Variants in COPB1 observed in about 807,000 individuals in gnomAD.
COPB1 encodes coatomer subunit beta.
COPB1 carries 21 observed loss-of-function variants against 108.7 expected under a neutral mutation model. The ratio of observed to expected loss-of-function variants is 0.19; its 90% CI spans 0.14 to 0.28. The LOEUF (loss-of-function observed/expected upper bound fraction) is 0.28, where lower values mean the gene tolerates loss of function less well. Ranked by LOEUF, COPB1 falls within the 10% of genes least tolerant of loss-of-function variation. The pLI is 1.00. For synonymous variants in COPB1, 378 were observed against 386.8 expected, an observed-to-expected ratio of 0.98 and a Z score of 0.27; for missense variants, 919 against 1,141.3, an observed-to-expected ratio of 0.81 and a Z score of 2.81.
At chr11:14,479,052 A>AAT (rs1334921257) in intron 11 of COPB1, 2 of 151,080 alleles carry the variant, frequency 1.3e-5, no homozygotes, top group Non-Finnish European at 2.9e-5. Context: ...CATAAATATT[A>AAT]ATATATTTTC....
At chr11:14,468,637 G>A (rs752103300) in intron 16 of COPB1, 44 bp downstream of exon 16, 27 of 1,566,602 alleles carry the variant, frequency 1.7e-5, no homozygotes, top group African/African-American at 4.1e-5. Context: ...ACTTCCTTAA[G>A]GAGTCGATTT....
intron 12 of COPB1, among the ~76,000 whole-genome samples, 157 bp downstream of exon 12, chr11:14,476,760 TTC>T (rs869181188): frequency 5.2e-4 from 57 of 109,730 alleles, no homozygotes; most frequent in African/African-American, 1.9e-3. Flanking sequence ...AAGCTACTGC[TTC>T]TTTTTTTTTT....
intron 16 of COPB1, among the ~76,000 whole-genome samples, chr11:14,467,789 A>G (rs997377711): frequency 1.3e-5 from 2 of 152,230 alleles, no homozygotes; most frequent in Non-Finnish European, 2.9e-5. Context: ...TGCCAGTCAC[A>G]AAAGGAAAAA....
chr11:14,469,279 G>T, intron 15 of COPB1, 57 bp downstream of exon 15: 2 of 1,403,962 alleles, frequency 1.4e-6, no homozygotes, highest in Admixed American at 1.7e-5. Flanking sequence ...TTACAGGCGT[G>T]AGCCACTGCA....
At position 14,469,447 on chromosome 11, in the gene COPB1, C is replaced by T. The variant is rs765975347; in HGVS notation, c.1854G>A (p.Lys618=). The T allele has an allele frequency of 1.2e-6, 2 of 1,614,114 alleles. No homozygotes were observed. Among genetic ancestry groups the T allele is most frequent in the Non-Finnish European group, 1.7e-6 (2 of 1,180,022 alleles). ...TTAAAGGTGAACATTCAGACAAGAC[C>T]TTGAGGCACAGGGAAATTCGATCCA... ...DDVDRISLCL[K]VLSECSPLMN... The change falls in exon 15 of 22, where the codon AAG becomes AAA. Residue 618 remains lysine (K), a synonymous_variant. Transcript: ENST00000439561.
chr11:14,468,272 T>C (rs1850326524), intron 16 of COPB1, among the ~76,000 whole-genome samples: 1 of 152,156 alleles, frequency 6.6e-6, no homozygotes, highest in Non-Finnish European at 1.5e-5. Flanking sequence ...CTAATAAAAT[T>C]CTATATGGAA....
chr11:14,489,937 G>A (rs1054155420), intron 5 of COPB1, among the ~76,000 whole-genome samples: 2 of 152,000 alleles, frequency 1.3e-5, no homozygotes, highest in African/African-American at 4.8e-5. Flanking sequence ...AAGATCTGGG[G>A]GAAAAAAGTC....
intron 17 of COPB1, among the ~76,000 whole-genome samples, chr11:14,465,809 C>A (rs1850268841): frequency 6.6e-6 from 1 of 151,656 alleles, no homozygotes; most frequent in Non-Finnish European, 1.5e-5. Flanking sequence ...ACTTCAAAAC[C>A]AGATGTGGAA....
chr11:14,491,013 A>G (rs571484036), intron 4 of COPB1, among the ~76,000 whole-genome samples: 109 of 150,814 alleles, frequency 7.2e-4, no homozygotes, highest in Non-Finnish European at 1.2e-3. Flanking sequence ...CTGGTCTTGA[A>G]CTCCTGACCT....
intron 2 of COPB1, among the ~76,000 whole-genome samples, chr11:14,496,338 A>C (rs888449436): frequency 6.6e-6 from 1 of 152,158 alleles, no homozygotes; most frequent in African/African-American, 2.4e-5. Context: ...AAATATGATA[A>C]ATTTAGTAAA....
intron 14 of COPB1, 40 bp from the exon 15 acceptor site, chr11:14,469,603 T>C (rs759944780): frequency 6.6e-7 from 1 of 1,509,356 alleles, no homozygotes; most frequent in Non-Finnish European, 9.2e-7. Flanking sequence ...ATTGTCTTGA[T>C]TCTCAGATTG....
At chr11:14,459,972 T>TAAA in intron 20 of COPB1, 1 of 343,586 alleles carries the variant, frequency 2.9e-6, no homozygotes, top group East Asian at 4.9e-5. Context: ...GAAAAGAAAA[T>TAAA]AAAAAAAAAA....
At chr11:14,481,658 T>C (rs1589962697) in intron 8 of COPB1, among the ~76,000 whole-genome samples, 1 of 152,246 alleles carries the variant, frequency 6.6e-6, no homozygotes, top group African/African-American at 2.4e-5. Flanking sequence ...GTGATATTAT[T>C]TGACTCCATA....
Position 14,460,281 on chromosome 11 carries a change from T to C in COPB1, c.2573A>G (p.Asn858Ser), listed in dbSNP as rs1362693575. The C allele has an allele frequency of 4.3e-6, 7 of 1,609,998 alleles. No individual in the cohort carries two copies. The highest frequency in any genetic ancestry group is 5.9e-6 in the Non-Finnish European group (7 of 1,177,534). Residue 858 changes from asparagine to serine, a missense_variant, in exon 20 of 22, where the codon AAC (asparagine) becomes AGC (serine). Coordinates refer to ENST00000439561, the MANE Select transcript of COPB1 (RefSeq NM_001144061.2). Reference sequence around the variant, plus strand: ...TAAGTAGTCATTTAAATCAACCATGTTGGTGTTAACTGTCACCTGTAGAGA... The same window carrying C: ...TAAGTAGTCATTTAAATCAACCATGCTGGTGTTAACTGTCACCTGTAGAGA... ...EWENKVTVNT[N>S]MVDLNDYLQH...
Position 14,493,822 on chromosome 11 carries a change from A to T in COPB1, c.322-11T>A. The stretch of plus-strand genomic sequence containing the variant: ...AGGATGTTGAAGATCCTGATATAAA[A>T]ATTAAAATATGAAATGCTGAGTTTC... On this transcript the variant is annotated splice_polypyrimidine_tract_variant and intron_variant, in intron 3 of 21. Coordinates refer to ENST00000439561, the MANE Select transcript of COPB1 (RefSeq NM_001144061.2). The T allele has an allele frequency of 6.5e-7, 1 of 1,541,184 alleles. No homozygotes were observed. Among genetic ancestry groups the T allele is most frequent in the South Asian group, 1.3e-5 (1 of 79,200 alleles).
chr11:14,460,467 G>A (rs1192267829), intron 19 of COPB1, among the ~76,000 whole-genome samples, 170 bp from the exon 20 acceptor site: 1 of 151,914 alleles, frequency 6.6e-6, no homozygotes, highest in East Asian at 1.9e-4. Flanking sequence ...GTTGGTATCA[G>A]TACTTCCCAA....
Position 14,476,874 on chromosome 11 carries a change from G to C in COPB1, c.1455+45C>G, listed in dbSNP as rs1419226748. On this transcript the variant is annotated intron_variant, in intron 12 of 21. Transcript: ENST00000439561. ...CTATAAAAAGTCAGATTTTCCTAAAGGAAAAATTACCATATAAACTAACAT... is the reference window on the plus strand; with the variant it reads ...CTATAAAAAGTCAGATTTTCCTAAACGAAAAATTACCATATAAACTAACAT... 3.2e-6 allele frequency: 4 copies of C among 1,269,536 alleles called. No individual in the cohort carries two copies. The South Asian group carries it at 4.9e-5, about 15-fold the overall frequency. 78.6% of individuals were successfully genotyped at this position (1,269,536 alleles called of 1,614,324 possible). A position where few individuals can be genotyped will look rare whatever the true frequency, so the allele number is the denominator to read the frequency against.
Position 14,490,672 on chromosome 11 carries a change from C to G in COPB1, c.499G>C (p.Glu167Gln). 2 of 1,590,862 alleles carry G rather than the reference C, an allele frequency of 1.3e-6. No homozygotes were observed. Among genetic ancestry groups the G allele is most frequent in the Non-Finnish European group, 1.7e-6 (2 of 1,167,328 alleles). ...TCAGGAGCATCAGGTATAAGATGTT[C>G]AAAATTTCTTTAAATAAAACAGGTA... The part of the protein sequence containing the change: ...LAIYTIYRNF[E>Q]HLIPDAPELI... Residue 167 changes from glutamate to glutamine, a missense_variant, in exon 5 of 22, where the codon GAA becomes CAA. Glu to Gln is a conservative substitution (Grantham distance 29, BLOSUM62 2). Coordinates refer to ENST00000439561, the MANE Select transcript of COPB1 (RefSeq NM_001144061.2).
chr11:14,496,539 A>T (rs866054521), intron 2 of COPB1, among the ~76,000 whole-genome samples: 5 of 152,196 alleles, frequency 3.3e-5, no homozygotes, highest in Non-Finnish European at 7.4e-5. Context: ...AATACTGATG[A>T]AAGAAATTGA....
Sources: allele counts gnomAD v4.1 joint callset (sites outside exome capture counted in the v4.1 genomes callset), GRCh38; gene constraint gnomAD v4.1.1; transcripts MANE v1.5; gene names NCBI Gene and HGNC (gene_info 2026-07-23, HGNC 2026-07-21).